Variants in FBXL3 observed in about 807,000 individuals in gnomAD.
The protein encoded by FBXL3 is F-box and leucine rich repeat protein 3, also known as F-box/LRR-repeat protein 3.
Under a neutral mutation model 37.9 loss-of-function variants are expected in FBXL3, and 14 were observed. That is an observed-to-expected ratio of 0.37 (90% CI 0.24 to 0.58). FBXL3 has a LOEUF of 0.58. Among genes scored for constraint, FBXL3 ranks in the 20% least tolerant of loss-of-function variants. The pLI is 0.74. For missense variants in FBXL3, 327 were observed against 511.1 expected (o/e 0.64, Z 3.47); for synonymous variants, 194 against 180.1 (o/e 1.08, Z -0.62).
Position 77,007,226 on chromosome 13 carries a change from C to T in FBXL3, c.1206G>A (p.Lys402=), listed in dbSNP as rs1311497787. Residue 402 remains lysine, a synonymous_variant, in exon 5 of 5, where the codon AAG becomes AAA. Transcript: ENST00000355619. Reference sequence around the variant, plus strand: ...CCCAGTGAATCTGCTCCAAACTATACTTTTGGTCAGGAATTAGTACTTCTT... The same window carrying T: ...CCCAGTGAATCTGCTCCAAACTATATTTTTGGTCAGGAATTAGTACTTCTT... The part of the protein sequence containing the change: ...IMEEVLIPDQ[K]YSLEQIHWEV... The T allele has an allele frequency of 4.3e-6, 7 of 1,613,940 alleles. No homozygotes were observed. Among genetic ancestry groups the T allele is most frequent in the African/African-American group, 4.0e-5 (3 of 74,922 alleles).
intron 1 of FBXL3, 57 bp from the exon 2 acceptor site, chr13:77,021,918 TC>T (rs2154037767): frequency 7.4e-7 from 1 of 1,351,938 alleles, no homozygotes; most frequent in East Asian, 2.3e-5. Context: ...AGAAATAAAC[TC>T]AAAATTCATT....
rs761173135 is a variant in FBXL3 at position 77,007,340 on chromosome 13, A to T, written c.1092T>A (p.Ile364=). The change falls in exon 5 of 5, where the codon ATT becomes ATA. Residue 364 remains isoleucine, a synonymous_variant. Coordinates refer to ENST00000355619, the MANE Select transcript of FBXL3 (RefSeq NM_012158.4). The part of the protein sequence containing the change: ...IAERCKNLSA[I]GLGECEVSCS... ...ATGAGACTTCACATTCCCCTAGTCCAATAGCTGACAAATTTTTGCAACGTT... is the reference window on the plus strand; with the variant it reads ...ATGAGACTTCACATTCCCCTAGTCCTATAGCTGACAAATTTTTGCAACGTT... 1.2e-6 allele frequency: 2 copies of T among 1,614,054 alleles called. No homozygotes were observed. Among genetic ancestry groups the T allele is most frequent in the East Asian group, 2.2e-5 (1 of 44,900 alleles).
At chr13:77,026,418 T>A (rs1264780309) in intron 1 of FBXL3, 1 of 963,854 alleles carries the variant, frequency 1.0e-6, no homozygotes, top group Admixed American at 6.2e-5. Flanking sequence ...CAGTGCCTCA[T>A]TGCTCAAGCT....
At position 77,007,430 on chromosome 13, in the gene FBXL3, C is replaced by T. The variant is rs2034470936; in HGVS notation, c.1002G>A (p.Leu334=). ...CATTTGCACACACTACTAGTTCAAC[C>T]AGTCTAGGGCATGTCATTCCCACAC... ...LGRVGMTCPR[L]VELVVCANGL... The change falls in exon 5 of 5, where the codon CTG becomes CTA. Residue 334 remains leucine (L), a synonymous_variant. Transcript: ENST00000355619. 3.1e-6 allele frequency: 5 copies of T among 1,614,124 alleles called. No individual in the cohort carries two copies. The East Asian group carries it at 1.1e-4, about 36-fold the overall frequency.
At position 77,021,941 on chromosome 13, in the gene FBXL3, G is replaced by C. The variant is rs2034752374; in HGVS notation, c.-1-80C>G. The C allele has an allele frequency of 1.6e-5, 18 of 1,157,386 alleles. No homozygotes were observed. In the South Asian group the frequency reaches 2.2e-4, roughly 14 times the overall value. The allele number at this position is 1,157,386 out of a possible 1,614,324, so 71.7% of individuals were successfully genotyped here. A position where few individuals can be genotyped will look rare whatever the true frequency, so the allele number is the denominator to read the frequency against. On this transcript the variant is annotated intron_variant, in intron 1 of 4. Coordinates refer to ENST00000355619, the MANE Select transcript of FBXL3 (RefSeq NM_012158.4). ...ACTCAAAATTCATTCTTCTGTCACT[G>C]AGATGTGTGTTTATATACACAAACA... is the stretch of plus-strand genomic sequence containing the variant.
intron 1 of FBXL3, among the ~76,000 whole-genome samples, chr13:77,023,418 TG>T (rs2034782698): frequency 6.6e-6 from 1 of 152,136 alleles, no homozygotes; most frequent in Non-Finnish European, 1.5e-5. Flanking sequence ...AAACACACCC[TG>T]GAAGTAGACT....
chr13:77,019,319 A>G (rs1426397837), intron 2 of FBXL3, among the ~76,000 whole-genome samples: 2 of 152,076 alleles, frequency 1.3e-5, no homozygotes, highest in Non-Finnish European at 2.9e-5. Flanking sequence ...TTCTGCAAAG[A>G]CATTTCCTAA....
intron 1 of FBXL3, among the ~76,000 whole-genome samples, chr13:77,025,011 TTAATAG>T (rs2034811674): frequency 6.6e-6 from 1 of 152,148 alleles, no homozygotes; most frequent in Non-Finnish European, 1.5e-5. Flanking sequence ...TTACACTACT[TTAATAG>T]TATCTTATTA....
Position 77,005,719 on chromosome 13 carries a change from T to C in FBXL3, c.*1426A>G, listed in dbSNP as rs2034439569. 1 of 152,140 alleles carries C rather than the reference T, an allele frequency of 6.6e-6. No individual in the cohort carries two copies. Among genetic ancestry groups the C allele is most frequent in the Non-Finnish European group, 1.5e-5 (1 of 67,966 alleles). 9.4% of individuals were successfully genotyped at this position (152,140 alleles called of 1,614,324 possible). A position where few individuals can be genotyped will look rare whatever the true frequency, so the allele number is the denominator to read the frequency against. On this transcript the variant is annotated 3_prime_UTR_variant, in exon 5 of 5. Coordinates refer to ENST00000355619, the MANE Select transcript of FBXL3 (RefSeq NM_012158.4). ...GTTTTAAAAGTAGATCTAAGACTGT[T>C]AGCTTCCTCAACCACTGAGACACAA...
chr13:77,010,868 C>T (rs999106879), intron 4 of FBXL3: 2 of 152,222 alleles, frequency 1.3e-5, no homozygotes, highest in Non-Finnish European at 2.9e-5. Flanking sequence ...CTCTAATGTA[C>T]AGAACAGTGG....
rs768800231 is a variant in FBXL3 at position 77,007,794 on chromosome 13, A to G, written c.644-6T>C. The G allele has an allele frequency of 6.5e-7, 1 of 1,540,526 alleles. No homozygotes were observed. The highest frequency in any genetic ancestry group is 2.2e-5 in the Admixed American group (1 of 46,210). ...ATCAGCCACACAAAGGATACCTTGA[A>G]AGAAAAAAAAAATTATTTGCAAGTT... is the stretch of plus-strand genomic sequence containing the variant. On this transcript the variant is annotated splice_region_variant and splice_polypyrimidine_tract_variant and intron_variant, in intron 4 of 4. Transcript: ENST00000355619.
intron 3 of FBXL3, 122 bp downstream of exon 3, chr13:77,018,478 A>T (rs1479214276): frequency 4.7e-6 from 3 of 640,598 alleles, no homozygotes; most frequent in Non-Finnish European, 6.9e-6. Flanking sequence ...CTAAATAGTA[A>T]CTGGTTTTCC....
chr13:77,021,666 G>C lies in FBXL3; in HGVS notation c.195C>G (p.Asn65Lys), dbSNP rs371851666. 6.2e-7 allele frequency: 1 copy of C among 1,614,100 alleles called. No homozygotes were observed. The highest frequency in any genetic ancestry group is 1.1e-5 in the South Asian group (1 of 91,086). Residue 65 changes from asparagine to lysine, a missense_variant, in exon 2 of 5, where the codon AAC (asparagine) becomes AAG (lysine). By Grantham distance (94) the Asn-to-Lys change is moderately conservative. Transcript: ENST00000355619. ...DRAHASQVCR[N>K]WNQVFHMPDL... ...CAGGCATGTGAAATACCTGGTTCCA[G>C]TTGCGGCAAACTTGTGAAGCATGAG...
intron 4 of FBXL3, chr13:77,013,725 ACT>A (rs2034594316): frequency 6.6e-6 from 1 of 151,592 alleles, no homozygotes; most frequent in Non-Finnish European, 1.5e-5. Context: ...TAATAACAAA[ACT>A]CTAGTCTCCC....
intron 1 of FBXL3, among the ~76,000 whole-genome samples, chr13:77,026,604 A>T (rs896207412): frequency 6.6e-6 from 1 of 151,804 alleles, no homozygotes; most frequent in Admixed American, 6.6e-5. Context: ...CCTTGTTGAC[A>T]TGTTTGGAAG....
chr13:77,025,687 CAAAAAAAAAAA>C (rs35934318), intron 1 of FBXL3, among the ~76,000 whole-genome samples: 3 of 73,966 alleles, frequency 4.1e-5, no homozygotes, highest in African/African-American at 5.6e-5. Context: ...GTCCTTGTCT[CAAAAAAAAAAA>C]AAAAAAAAAA....
rs1451109073 is a variant in FBXL3 at position 77,015,406 on chromosome 13, T to C, written c.643+3A>G. ...AATGTGTCTAGCAAAAAACACAACATACCTGCTGGAGAGACATGAGGACAG... is the reference window on the plus strand; with the variant it reads ...AATGTGTCTAGCAAAAAACACAACACACCTGCTGGAGAGACATGAGGACAG... On this transcript the variant is annotated splice_donor_region_variant and intron_variant, in intron 4 of 4. Transcript: ENST00000355619. The C allele has an allele frequency of 2.0e-6, 3 of 1,527,830 alleles. No individual in the cohort carries two copies. The highest frequency in any genetic ancestry group is 2.6e-6 in the Non-Finnish European group (3 of 1,138,966). 94.6% of individuals were successfully genotyped at this position (1,527,830 alleles called of 1,614,324 possible).
In FBXL3 at chr13:77,026,993, G is replaced by A. The variant is rs1370072286; in HGVS notation, c.-168C>T. The A allele has an allele frequency of 6.6e-6, 1 of 151,858 alleles. No individual in the cohort carries two copies. Among genetic ancestry groups the A allele is most frequent in the Admixed American group, 6.6e-5 (1 of 15,228 alleles). The allele number at this position is 151,858 out of a possible 1,614,324, so 9.4% of individuals were successfully genotyped here. A position where few individuals can be genotyped will look rare whatever the true frequency, so the allele number is the denominator to read the frequency against. ...CATCCGAGGCGCTGGTCCCGCGGAG[G>A]GCGCCAACGCGGCTCCACCTTTGCG... On this transcript the variant is annotated 5_prime_UTR_variant, in exon 1 of 5. Transcript: ENST00000355619.
At chr13:77,010,889 T>C (rs957780761) in intron 4 of FBXL3, 1 of 152,214 alleles carries the variant, frequency 6.6e-6, no homozygotes, top group Non-Finnish European at 1.5e-5. Flanking sequence ...AGCAAATAAA[T>C]GGGTGTTGGT....
Sources: gnomAD v4.1 joint callset for allele counts (sites outside exome capture counted in the v4.1 genomes callset) on GRCh38, gnomAD v4.1.1 for gene constraint, MANE v1.5 for transcripts, NCBI Gene and HGNC (gene_info 2026-07-23, HGNC 2026-07-21) for gene names.